Variants in SDK1 observed in about 807,000 individuals in gnomAD.
SDK1 encodes the protein sidekick cell adhesion molecule 1, also known as protein sidekick-1.
In SDK1, 157 loss-of-function variants were observed where a neutral mutation model predicts 245.5. That is an observed-to-expected ratio of 0.64 (90% confidence interval 0.56 to 0.73). The LOEUF (loss-of-function observed/expected upper bound fraction) is 0.73. Among genes scored for constraint, SDK1 ranks in the 30% least tolerant of loss-of-function variants. SDK1 has a pLI of 0.00. For missense variants in SDK1, 3,583 were observed against 3,002.3 expected (o/e 1.19, Z -4.52); for synonymous variants, 1,647 against 1,278.5 (o/e 1.29, Z -6.15).
chr7:3,837,104 A>C (rs532178974), intron 5 of SDK1, among the ~76,000 whole-genome samples: 1 of 152,146 alleles, frequency 6.6e-6, no homozygotes, highest in East Asian at 1.9e-4. Context: ...CCTGTCTTCA[A>C]ATACAGTCAC....
intron 1 of SDK1, among the ~76,000 whole-genome samples, chr7:3,525,516 C>T (rs1256706631): frequency 1.3e-5 from 2 of 152,120 alleles, no homozygotes; most frequent in Non-Finnish European, 2.9e-5. Flanking sequence ...CGGCATCTCC[C>T]AGCACCACCA....
chr7:4,084,736 T>G (rs1236080849), intron 22 of SDK1, among the ~76,000 whole-genome samples: 4 of 135,134 alleles, frequency 3.0e-5, no homozygotes, highest in Admixed American at 1.5e-4. Context: ...GTTATGTTGT[T>G]ACTTAAATGT....
At chr7:4,118,113 A>G (rs1337613813) in intron 25 of SDK1, among the ~76,000 whole-genome samples, 7 of 152,218 alleles carry the variant, frequency 4.6e-5, no homozygotes, top group Non-Finnish European at 8.8e-5. Flanking sequence ...GAAAACCTTT[A>G]TGCTTCAAAG....
chr7:3,475,253 C>T (rs1781317216), intron 1 of SDK1, among the ~76,000 whole-genome samples: 1 of 152,152 alleles, frequency 6.6e-6, no homozygotes. Context: ...AAGGCCTGGC[C>T]CTTCCTTGGA....
chr7:3,923,701 G>C (rs1463430235), intron 5 of SDK1, among the ~76,000 whole-genome samples: 4 of 152,230 alleles, frequency 2.6e-5, no homozygotes, highest in African/African-American at 7.2e-5. Context: ...GGGTGAGCCA[G>C]GTCCAAGTTC....
At position 3,574,501 on chromosome 7, in the gene SDK1, C is replaced by T. The variant is rs114477720; in HGVS notation, c.299-44579C>T. On this transcript the variant is annotated intron_variant, in intron 1 of 44. Coordinates refer to ENST00000404826, the MANE Select transcript of SDK1 (RefSeq NM_152744.4). ...CAGAACGTAGGTTTAAGGTAACCAACGGGGCTAGCATGCTTGTTGCTGAAG... is the reference window on the plus strand; with the variant it reads ...CAGAACGTAGGTTTAAGGTAACCAATGGGGCTAGCATGCTTGTTGCTGAAG... Among the ~76,000 whole-genome samples the T allele has an allele frequency of 2.6e-3, 391 of 152,100 alleles. 2 individuals are homozygous for T. The highest frequency in any genetic ancestry group is 8.9e-3 in the African/African-American group (368 of 41,534).
chr7:3,591,086 A>G (rs942525121), intron 1 of SDK1, among the ~76,000 whole-genome samples: 4 of 152,294 alleles, frequency 2.6e-5, no homozygotes, highest in South Asian at 4.1e-4. Flanking sequence ...TAATCATATT[A>G]TTTGTTTAAA....
At chr7:3,941,756 G>C (rs532199780) in intron 5 of SDK1, among the ~76,000 whole-genome samples, 1 of 152,134 alleles carries the variant, frequency 6.6e-6, no homozygotes, top group Admixed American at 6.5e-5. Context: ...CCTCTTTGAC[G>C]AAGTGGACGT....
At chr7:3,812,260 G>A (rs1324832925) in intron 4 of SDK1, among the ~76,000 whole-genome samples, 1 of 152,218 alleles carries the variant, frequency 6.6e-6, no homozygotes, top group Admixed American at 6.5e-5. Context: ...CAAATACTTA[G>A]AGATTCCCTT....
chr7:3,650,141 C>A (rs578082908), intron 4 of SDK1, among the ~76,000 whole-genome samples: 8 of 152,172 alleles, frequency 5.3e-5, no homozygotes, highest in Non-Finnish European at 1.5e-5. Flanking sequence ...TTTCAAGCTC[C>A]TGGGCTCAAG....
chr7:4,011,029 G>T lies in SDK1; in HGVS notation c.2195G>T (p.Gly732Val), dbSNP rs1483771380. The T allele has an allele frequency of 1.2e-6, 2 of 1,614,240 alleles. No homozygotes were observed. The highest frequency in any genetic ancestry group is 1.1e-5 in the South Asian group (1 of 91,086). The change falls in exon 15 of 45, where the codon GGC becomes GTC. Residue 732 changes from glycine (G) to valine (V), a missense_variant. Transcript: ENST00000404826. ...GAGATGACAGGCGTCACCGTGAGTGGCCTGACTCCGGCTCGTACCTATCAA... is the reference window on the plus strand; with the variant it reads ...GAGATGACAGGCGTCACCGTGAGTGTCCTGACTCCGGCTCGTACCTATCAA... ...GPEMTGVTVS[G>V]LTPARTYQFR... is the part of the protein sequence containing the mutation.
At chr7:4,025,938 G>A (rs957388379) in intron 17 of SDK1, among the ~76,000 whole-genome samples, 1 of 152,190 alleles carries the variant, frequency 6.6e-6, no homozygotes. Flanking sequence ...GCCTGGCTTT[G>A]CTCAGGAGCC....
At chr7:3,962,582 C>A in intron 8 of SDK1, 75 bp from the exon 9 acceptor site, 2 of 1,288,330 alleles carry the variant, frequency 1.6e-6, no homozygotes, top group South Asian at 1.5e-5. Flanking sequence ...GCATTCTAGC[C>A]TTTGAAACAG....
chr7:4,039,949 T>C (rs1456558819), intron 17 of SDK1, among the ~76,000 whole-genome samples: 1 of 152,184 alleles, frequency 6.6e-6, no homozygotes, highest in African/African-American at 2.4e-5. Context: ...GTAAAAATAC[T>C]AGCAAATTAA....
chr7:3,681,402 C>G (rs910986443), intron 4 of SDK1, among the ~76,000 whole-genome samples: 1 of 152,124 alleles, frequency 6.6e-6, no homozygotes, highest in African/African-American at 2.4e-5. Flanking sequence ...TTATAAACTG[C>G]TGCTCTGACC....
At chr7:3,974,284 T>G in intron 12 of SDK1, 85 bp from the exon 13 acceptor site, 8 of 1,146,752 alleles carry the variant, frequency 7.0e-6, no homozygotes. Context: ...AGATTGTTAG[T>G]TGCTTGCTTT....
chr7:4,098,124 A>G (rs1283404531), intron 22 of SDK1, among the ~76,000 whole-genome samples: 6 of 152,158 alleles, frequency 3.9e-5, no homozygotes, highest in Non-Finnish European at 5.9e-5. Context: ...TACAAAATCT[A>G]TATGAGATGA....
intron 4 of SDK1, among the ~76,000 whole-genome samples, chr7:3,805,548 C>T (rs888354633): frequency 3.3e-5 from 5 of 152,302 alleles, no homozygotes; most frequent in African/African-American, 7.2e-5. Flanking sequence ...TGTACTGGTT[C>T]TTTTTTGTGG....
At chr7:4,200,886 G>A (rs568786803) in intron 35 of SDK1, among the ~76,000 whole-genome samples, 14 of 152,350 alleles carry the variant, frequency 9.2e-5, no homozygotes, top group African/African-American at 3.4e-4. Flanking sequence ...TGTAAATAAA[G>A]TTTTATTGGA....
Sources: allele counts gnomAD v4.1 joint callset (sites outside exome capture counted in the v4.1 genomes callset), GRCh38; gene constraint gnomAD v4.1.1; transcripts MANE v1.5; gene names NCBI Gene and HGNC (gene_info 2026-07-23, HGNC 2026-07-21).